The following DNAH10 variants were observed in gnomAD, a reference collection of about 807,000 sequenced individuals.
DNAH10 encodes dynein axonemal heavy chain 10.
A neutral mutation model predicts 506.6 loss-of-function variants in DNAH10; 348 were observed. That is an observed-to-expected ratio of 0.69 (90% CI 0.63 to 0.75). DNAH10 has a LOEUF of 0.75. Ranked by LOEUF, DNAH10 falls within the 30% of genes least tolerant of loss-of-function variation. The pLI, the probability that DNAH10 is intolerant of heterozygous loss-of-function variation, is 0.00. For synonymous variants in DNAH10, 2,059 were observed against 2,198.6 expected (o/e 0.94, Z 1.78); for missense variants, 5,179 against 5,787.1 (o/e 0.89, Z 3.41).
At position 123,793,971 on chromosome 12, in the gene DNAH10, T is replaced by G. The variant is rs748748729; in HGVS notation, c.1845T>G (p.Ile615Met). 51 of 1,267,136 alleles carry G rather than the reference T, an allele frequency of 4.0e-5. No homozygotes were observed. Among genetic ancestry groups the G allele is most frequent in the Non-Finnish European group, 5.2e-5 (51 of 973,534 alleles). 78.5% of individuals were successfully genotyped at this position (1,267,136 alleles called of 1,614,324 possible). A position where few individuals can be genotyped will look rare whatever the true frequency, so the allele number is the denominator to read the frequency against. ...TTGAGAAAGAAGCAAAACATTTTAT[T>G]GATGAATCTTTTAAGACGCTTCGAT... ...LVIEKEAKHF[I>M]DESFKTLRSA... The change falls in exon 12 of 79, where the codon ATT (isoleucine) becomes ATG (methionine). Residue 615 changes from isoleucine to methionine, a missense_variant. Around this residue, in one of 3 missense-constraint regions of DNAH10, gnomAD observed 4,844 missense variants for 5,430.5 expected, o/e 0.89. Transcript: ENST00000673944.
intron 1 of DNAH10, among the ~76,000 whole-genome samples, chr12:123,763,297 G>A (rs556286133): frequency 4.1e-4 from 62 of 152,258 alleles, no homozygotes; most frequent in Admixed American, 1.9e-3. Flanking sequence ...ACAGGTGAGA[G>A]GAGGAGGCAG....
Position 123,918,708 on chromosome 12 carries a change from A to G in DNAH10, c.11265A>G (p.Thr3755=), listed in dbSNP as rs893170239. 3 of 1,574,178 alleles carry G rather than the reference A, an allele frequency of 1.9e-6. No individual in the cohort carries two copies. In the South Asian group the frequency reaches 3.5e-5, roughly 18 times the overall value. Residue 3755 remains threonine (T), a synonymous_variant, in exon 65 of 79, where the codon ACA becomes ACG. Transcript: ENST00000673944. ...AGAAACTCAAGCTGGCGGAGAAGACAGCCTTGGACATCGACAGGCTGCGGG... is the reference window on the plus strand; with the variant it reads ...AGAAACTCAAGCTGGCGGAGAAGACGGCCTTGGACATCGACAGGCTGCGGG... ...VSEKLKLAEK[T]ALDIDRLRDG...
rs1175903717 is a variant in DNAH10, at chr12:123,917,848, C to T, written c.11232+35C>T. ...ACAGTGGAAGAGGCCGTGAGTCAGG[C>T]GGGGCCTGCATGCGCCGTTGGAGCG... On this transcript the variant is annotated intron_variant, in intron 64 of 78. Coordinates refer to ENST00000673944, the MANE Select transcript of DNAH10 (RefSeq NM_001372106.1). The surrounding 1 kb of genome is among the most constrained non-coding windows in gnomAD (Gnocchi z 5.6). 6.5e-7 allele frequency: 1 copy of T among 1,548,222 alleles called. No individual in the cohort carries two copies. Among genetic ancestry groups the T allele is most frequent in the Non-Finnish European group, 8.7e-7 (1 of 1,144,028 alleles).
In DNAH10 at chr12:123,813,887, G is replaced by A. The variant is rs781272508; in HGVS notation, c.3755G>A (p.Arg1252His). ...LRYRDVQERY[R>H]TMAMYNLFPP... Reference sequence around the variant, plus strand: ...TATAGGGACGTCCAGGAGCGATACCGTACCATGGCAATGTATAACCTCTTT... The same window carrying A: ...TATAGGGACGTCCAGGAGCGATACCATACCATGGCAATGTATAACCTCTTT... Residue 1252 changes from arginine (R) to histidine (H), a missense_variant, in exon 21 of 79, where the codon CGT becomes CAT. Arg to His is a conservative substitution (Grantham distance 29). This residue lies in a region of DNAH10 where 4,844 missense variants were observed against 5,430.5 expected (regional missense o/e 0.89). Coordinates refer to ENST00000673944, the MANE Select transcript of DNAH10 (RefSeq NM_001372106.1). 3.6e-5 allele frequency: 57 copies of A among 1,597,112 alleles called. No homozygotes were observed. The highest frequency in any genetic ancestry group is 5.7e-5 in the South Asian group (5 of 87,226).
intron 19 of DNAH10, among the ~76,000 whole-genome samples, chr12:123,811,569 C>A (rs1451952901): frequency 6.6e-6 from 1 of 152,020 alleles, no homozygotes; most frequent in East Asian, 1.9e-4. Flanking sequence ...GGTGCAATCT[C>A]AGCTCACTGC....
chr12:123,909,257 C>T lies in DNAH10; in HGVS notation c.9816-4C>T. ...GTGACCCACGTGCCTTGGTTTCTTG[C>T]CAGGTCGTTTGCTAAGCCCCCGAAG... On this transcript the variant is annotated splice_region_variant and splice_polypyrimidine_tract_variant and intron_variant, in intron 57 of 78. Transcript: ENST00000673944. The surrounding 1 kb of genome is among the most constrained non-coding windows in gnomAD (Gnocchi z 5.4). The T allele has an allele frequency of 1.2e-6, 2 of 1,612,096 alleles. No individual in the cohort carries two copies. Among genetic ancestry groups the T allele is most frequent in the Non-Finnish European group, 1.7e-6 (2 of 1,179,294 alleles).
At chr12:123,770,974 C>CTTT (rs33920942) in intron 2 of DNAH10, among the ~76,000 whole-genome samples, 2,974 of 126,372 alleles carry the variant, frequency 0.024, 131 homozygotes, top group African/African-American at 0.048. Context: ...AGCTGTAATT[C>CTTT]TTTTTTTTTT....
At chr12:123,844,499 C>G (rs780440450) in intron 30 of DNAH10, among the ~76,000 whole-genome samples, 11 of 152,148 alleles carry the variant, frequency 7.2e-5, no homozygotes, top group African/African-American at 2.7e-4. Flanking sequence ...AGAAACCCCA[C>G]GACTCAGCAG....
intron 77 of DNAH10, 116 bp downstream of exon 77, chr12:123,933,627 A>G (rs1313079267): frequency 1.7e-6 from 2 of 1,191,184 alleles, no homozygotes; most frequent in Non-Finnish European, 2.3e-6. Context: ...GCCATGTTTG[A>G]AAGCCAGCCT....
rs372411534 is a variant in DNAH10, at chr12:123,897,800, T to C, written c.9311T>C (p.Ile3104Thr). The C allele has an allele frequency of 9.3e-6, 15 of 1,608,494 alleles. No individual in the cohort carries two copies. The South Asian group carries it at 1.0e-4, about 11-fold the overall frequency. ...AATCCAATGATCCCGGCAGAAAATA[T>C]AGAAAATGTGGTGAAGCATGTTGTC... ...GYNPMIPAEN[I>T]ENVVKHVVLV... Residue 3104 changes from isoleucine to threonine, a missense_variant, in exon 55 of 79, where the codon ATA (isoleucine) becomes ACA (threonine). By Grantham distance (89) the Ile-to-Thr change is moderately conservative. Around this residue, in one of 3 missense-constraint regions of DNAH10, gnomAD observed 4,844 missense variants for 5,430.5 expected, o/e 0.89. Transcript: ENST00000673944.
In DNAH10 at chr12:123,846,468, G is replaced by T. The variant is rs577912487; in HGVS notation, c.5814+314G>T. Among the ~76,000 whole-genome samples, 1 of 152,154 alleles carries T rather than the reference G, an allele frequency of 6.6e-6. No individual in the cohort carries two copies. Among genetic ancestry groups the T allele is most frequent in the Non-Finnish European group, 1.5e-5 (1 of 68,032 alleles). On this transcript the variant is annotated intron_variant, in intron 32 of 78. Transcript: ENST00000673944. The surrounding 1 kb of genome is among the most constrained non-coding windows in gnomAD (Gnocchi z 4.5). The stretch of plus-strand genomic sequence containing the variant: ...GGGCAAGTGTGATGTGGTTTTGCAC[G>T]TCTTGTGACAGCTTTTATTCCAGAA...
intron 24 of DNAH10, among the ~76,000 whole-genome samples, chr12:123,822,474 A>G (rs1431244243): frequency 6.6e-6 from 1 of 152,174 alleles, no homozygotes; most frequent in Non-Finnish European, 1.5e-5. Context: ...CTATATCTAT[A>G]TCTGTCTATA....
chr12:123,874,578 CCCATCCATCCAT>C (rs1402214075), intron 46 of DNAH10, among the ~76,000 whole-genome samples: 1 of 142,638 alleles, frequency 7.0e-6, no homozygotes, highest in African/African-American at 2.7e-5. Flanking sequence ...TACCCATCCA[CCCATCCATCCAT>C]CCATCCATCC....
intron 45 of DNAH10, among the ~76,000 whole-genome samples, chr12:123,872,847 C>T (rs1952090424): frequency 6.6e-6 from 1 of 152,168 alleles, no homozygotes; most frequent in Non-Finnish European, 1.5e-5. Flanking sequence ...CCTGATCTAC[C>T]AAATTGGAAA....
In DNAH10 at chr12:123,926,457, T is replaced by A. The variant is rs1954947268; in HGVS notation, c.11922-180T>A. ...GTCCCTGCCACTCAGGAGTTCCCCA[T>A]CAGGGTGGGAGACGTGCATAGAAAC... On this transcript the variant is annotated intron_variant, in intron 68 of 78. Transcript: ENST00000673944. The surrounding 1 kb of genome is among the most constrained non-coding windows in gnomAD (Gnocchi z 4.1). 3.2e-6 allele frequency: 2 copies of A among 619,942 alleles called. No homozygotes were observed. The highest frequency in any genetic ancestry group is 5.3e-6 in the Non-Finnish European group (2 of 376,350). 38.4% of individuals were successfully genotyped at this position (619,942 alleles called of 1,614,324 possible). A position where few individuals can be genotyped will look rare whatever the true frequency, so the allele number is the denominator to read the frequency against.
At chr12:123,847,925 C>A in intron 32 of DNAH10, 36 bp from the exon 33 acceptor site, 2 of 1,575,100 alleles carry the variant, frequency 1.3e-6, no homozygotes, top group Non-Finnish European at 1.7e-6. Flanking sequence ...CTTCTGTGCA[C>A]CAGAAAACAT....
chr12:123,850,908 C>A lies in DNAH10; in HGVS notation c.6123C>A (p.Ser2041=). 6.2e-7 allele frequency: 1 copy of A among 1,612,820 alleles called. No individual in the cohort carries two copies. Residue 2041 remains serine, a synonymous_variant, in exon 35 of 79, where the codon TCC becomes TCA. Transcript: ENST00000673944. This position sits in a 1 kb window ranked among gnomAD's most constrained non-coding sequence, Gnocchi z 5.5. ...TTFQFEGQEI[S]LDSRMGIFIT... is the part of the protein sequence containing the mutation. ...TCCAGTTTGAAGGGCAGGAGATTTC[C>A]CTGGACTCCCGCATGGGCATCTTCA...
rs1269409544 is a variant in DNAH10, at chr12:123,787,851, C to T, written c.1469C>T (p.Thr490Ile). 8 of 1,613,952 alleles carry T rather than the reference C, an allele frequency of 5.0e-6. No homozygotes were observed. The highest frequency in any genetic ancestry group is 1.7e-5 in the Admixed American group (1 of 59,968). The change falls in exon 10 of 79, where the codon ACC becomes ATC. Residue 490 changes from threonine (T) to isoleucine (I), a missense_variant. By Grantham distance (89) the Thr-to-Ile change is moderately conservative (BLOSUM62 -1). Around this residue, in one of 3 missense-constraint regions of DNAH10, gnomAD observed 4,844 missense variants for 5,430.5 expected, o/e 0.89. Coordinates refer to ENST00000673944, the MANE Select transcript of DNAH10 (RefSeq NM_001372106.1). The surrounding 1 kb of genome is among the most constrained non-coding windows in gnomAD (Gnocchi z 4.6). ...AGCAAAACCTTGGAAGCCAGGAACA[C>T]CCTCAGGCTGTGGAAAAAGGCCTAT... ...AQSKTLEARN[T>I]LRLWKKAYFD...
chr12:123,847,414 C>A (rs370709231), intron 32 of DNAH10, among the ~76,000 whole-genome samples: 65 of 152,230 alleles, frequency 4.3e-4, no homozygotes, highest in African/African-American at 1.5e-3. Flanking sequence ...GGTCTGATTA[C>A]TCTCACAATC....
Sources: gnomAD v4.1 joint callset for allele counts (sites outside exome capture counted in the v4.1 genomes callset) on GRCh38, gnomAD v4.1.1 for gene constraint, gnomAD v4.1.1 regional missense constraint, Gnocchi (gnomAD v3.1) non-coding constraint, MANE v1.5 for transcripts, NCBI Gene and HGNC (gene_info 2026-07-23, HGNC 2026-07-21) for gene names.